CACNA1C: variants seen among roughly 807,000 people sequenced by gnomAD.
CACNA1C encodes calcium voltage-gated channel subunit alpha1 C.
In CACNA1C, 30 loss-of-function variants were observed where a neutral mutation model predicts 229.0. That is an observed-to-expected ratio of 0.13 (90% CI 0.10 to 0.18). The LOEUF (loss-of-function observed/expected upper bound fraction) is 0.18, where lower values mean the gene tolerates loss of function less well. Among genes scored for constraint, CACNA1C ranks in the 10% least tolerant of loss-of-function variants. The pLI is 1.00. For missense variants in CACNA1C, 1,658 were observed against 2,845.0 expected, an observed-to-expected ratio of 0.58 and a Z score of 9.49; for synonymous variants, 1,114 against 1,132.5, an observed-to-expected ratio of 0.98 and a Z score of 0.33.
chr12:2,677,599 C>A lies in CACNA1C; in HGVS notation c.4957-134C>A. ...GCCCCCAGTTCACACACACACAAAC[C>A]TTCCGGAGGGTCGACTGGCTGGGTG... On this transcript the variant is annotated intron_variant, in intron 40 of 46. Coordinates refer to ENST00000399655, the MANE Select transcript of CACNA1C (RefSeq NM_000719.7). The surrounding 1 kb of genome is among the most constrained non-coding windows in gnomAD (Gnocchi z 7.4). 1 of 1,026,668 alleles carries A rather than the reference C, an allele frequency of 9.7e-7. No individual in the cohort carries two copies. The highest frequency in any genetic ancestry group is 1.4e-6 in the Non-Finnish European group (1 of 690,608). 63.6% of individuals were successfully genotyped at this position (1,026,668 alleles called of 1,614,324 possible). A position where few individuals can be genotyped will look rare whatever the true frequency, so the allele number is the denominator to read the frequency against.
chr12:2,072,201 A>AT (rs58111283), intron 1 of CACNA1C, among the ~76,000 whole-genome samples: 7,029 of 150,876 alleles, frequency 0.047, 421 homozygotes, highest in East Asian at 0.2. Context: ...ATATACAAAA[A>AT]ATATATATAT....
intron 1 of CACNA1C, among the ~76,000 whole-genome samples, chr12:2,031,145 G>C (rs1395473052): frequency 1.3e-5 from 2 of 152,194 alleles, no homozygotes; most frequent in Non-Finnish European, 2.9e-5. Flanking sequence ...CCAGAGACTT[G>C]CTGCCTAAGT....
chr12:2,461,772 TG>T (rs1375892926), intron 5 of CACNA1C, among the ~76,000 whole-genome samples: 1 of 152,202 alleles, frequency 6.6e-6, no homozygotes, highest in Non-Finnish European at 1.5e-5. Flanking sequence ...GAAAATCCTA[TG>T]AGCTTTACCT....
intron 9 of CACNA1C, 95 bp downstream of exon 9, chr12:2,513,079 A>G (rs2154579712): frequency 9.8e-7 from 1 of 1,025,234 alleles, no homozygotes; most frequent in East Asian, 2.7e-5. Context: ...ACCCTTTCTT[A>G]GAAGCCCACG....
intron 3 of CACNA1C, among the ~76,000 whole-genome samples, chr12:2,421,122 C>T (rs1465715858): frequency 6.6e-6 from 1 of 152,124 alleles, no homozygotes; most frequent in Admixed American, 6.5e-5. Context: ...CTCATACTTC[C>T]AACCCAAACG....
intron 4 of CACNA1C, among the ~76,000 whole-genome samples, 196 bp from the exon 5 acceptor site, chr12:2,457,371 G>A (rs2099438931): frequency 6.6e-6 from 1 of 152,208 alleles, no homozygotes; most frequent in Admixed American, 6.5e-5. Context: ...GTGGCACCCT[G>A]GGCATGGCCA....
chr12:1,991,546 T>C (rs2039420044), intron 1 of CACNA1C: 1 of 247,778 alleles, frequency 4.0e-6, no homozygotes, highest in Non-Finnish European at 7.9e-6. Context: ...ATTGAGGTTT[T>C]TTCCTTTTTT....
rs571274628 is a variant in CACNA1C at position 2,618,080 on chromosome 12, G to T, written c.3828+6067G>T. Among the ~76,000 whole-genome samples, 3 of 152,294 alleles carry T rather than the reference G, an allele frequency of 2.0e-5. No individual in the cohort carries two copies. In the South Asian group the frequency reaches 6.2e-4, roughly 32 times the overall value. Reference sequence around the variant, plus strand: ...AGGGGACTTTGGAGGCTGAGGGTCCGGATTGCTCAGGTGTGGACCTGCTGT... The same window carrying T: ...AGGGGACTTTGGAGGCTGAGGGTCCTGATTGCTCAGGTGTGGACCTGCTGT... On this transcript the variant is annotated intron_variant, in intron 29 of 46. Coordinates refer to ENST00000399655, the MANE Select transcript of CACNA1C (RefSeq NM_000719.7).
intron 3 of CACNA1C, among the ~76,000 whole-genome samples, chr12:2,301,819 G>A (rs879559626): frequency 1.3e-5 from 2 of 152,160 alleles, no homozygotes; most frequent in South Asian, 2.1e-4. Context: ...CCCCAGCCTG[G>A]CCCTGCAGTG....
Position 2,486,006 on chromosome 12 carries a change from C to T in CACNA1C, c.758-98C>T. The T allele has an allele frequency of 1.1e-6, 1 of 946,074 alleles. No homozygotes were observed. Among genetic ancestry groups the T allele is most frequent in the East Asian group, 2.8e-5 (1 of 35,830 alleles). 58.6% of individuals were successfully genotyped at this position (946,074 alleles called of 1,614,324 possible). A position where few individuals can be genotyped will look rare whatever the true frequency, so the allele number is the denominator to read the frequency against. ...CTTCTCATCTAAACAACAGGGCTGG[C>T]AGTTCCTTCCTTGCAGAGTTGCTGG... On this transcript the variant is annotated intron_variant, in intron 5 of 46. Coordinates refer to ENST00000399655, the MANE Select transcript of CACNA1C (RefSeq NM_000719.7). This position sits in a 1 kb window ranked among gnomAD's most constrained non-coding sequence, Gnocchi z 4.9.
chr12:2,137,261 G>T (rs1228397857), intron 3 of CACNA1C, among the ~76,000 whole-genome samples: 1 of 151,286 alleles, frequency 6.6e-6, no homozygotes, highest in Non-Finnish European at 1.5e-5. Flanking sequence ...ACCTCTGCCT[G>T]GTGGCACGGC....
chr12:2,308,033 T>A (rs948615008), intron 3 of CACNA1C, among the ~76,000 whole-genome samples: 2 of 152,212 alleles, frequency 1.3e-5, no homozygotes, highest in African/African-American at 4.8e-5. Context: ...GTGGTTTTGA[T>A]GCAGTTCATC....
intron 42 of CACNA1C, chr12:2,680,500 GC>G: frequency 6.4e-7 from 1 of 1,570,766 alleles, no homozygotes; most frequent in Middle Eastern, 1.7e-4. Flanking sequence ...ATCGTGCCTG[GC>G]CACGCTTCAC....
intron 29 of CACNA1C, among the ~76,000 whole-genome samples, chr12:2,616,668 C>T (rs1242253096): frequency 6.6e-6 from 1 of 152,254 alleles, no homozygotes; most frequent in Admixed American, 6.5e-5. Context: ...GATTGGACTT[C>T]TGTCTAGACT....
At position 2,693,628 on chromosome 12, in the gene CACNA1C, G is replaced by A. The variant is rs1181127903; in HGVS notation, c.*2429G>A. On this transcript the variant is annotated 3_prime_UTR_variant, in exon 47 of 47. Transcript: ENST00000399655. ...TGCCGGGGAGGGGGCCAGGACAAGG[G>A]AAGAGGCATCCGGAGCTCACAGTGG... The A allele has an allele frequency of 6.6e-6, 1 of 152,314 alleles. No homozygotes were observed. The highest frequency in any genetic ancestry group is 1.9e-4 in the East Asian group (1 of 5,188). The allele number at this position is 152,314 out of a possible 1,614,324, so 9.4% of individuals were successfully genotyped here.
At chr12:2,672,550 T>C (rs866788541) in intron 38 of CACNA1C, among the ~76,000 whole-genome samples, 2 of 152,148 alleles carry the variant, frequency 1.3e-5, no homozygotes, top group African/African-American at 4.8e-5. Flanking sequence ...TTCTCCCAGA[T>C]TCTGAGGGCT....
rs140917375 is a variant in CACNA1C at position 2,563,607 on chromosome 12, C to T, written c.1509-2815C>T. Among the ~76,000 whole-genome samples, 441 of 152,366 alleles carry T rather than the reference C, an allele frequency of 2.9e-3. 3 individuals carry two copies. The highest frequency in any genetic ancestry group is 0.019 in the South Asian group (92 of 4,832). ...AGTACCCTTCTTTGATTACTCTTCA[C>T]TCTCCTAACCTCATCTTAGATTTAG... On this transcript the variant is annotated intron_variant, in intron 11 of 46. Coordinates refer to ENST00000399655, the MANE Select transcript of CACNA1C (RefSeq NM_000719.7).
Position 2,486,144 on chromosome 12 carries a change from C to G in CACNA1C, c.798C>G (p.Val266=). 2 of 1,611,954 alleles carry G rather than the reference C, an allele frequency of 1.2e-6. No individual in the cohort carries two copies. The highest frequency in any genetic ancestry group is 1.1e-5 in the South Asian group (1 of 90,624). Residue 266 remains valine, a synonymous_variant, in exon 6 of 47, where the codon GTC becomes GTG. Coordinates refer to ENST00000399655, the MANE Select transcript of CACNA1C (RefSeq NM_000719.7). This position sits in a 1 kb window ranked among gnomAD's most constrained non-coding sequence, Gnocchi z 4.9. ...VVLNSIIKAM[V]PLLHIALLVL... ...TGAATTCCATCATCAAGGCCATGGTCCCCCTGCTGCACATCGCCCTGCTTG... is the reference window on the plus strand; with the variant it reads ...TGAATTCCATCATCAAGGCCATGGTGCCCCTGCTGCACATCGCCCTGCTTG...
rs752536080 is a variant in CACNA1C at position 2,158,619 on chromosome 12, C to T, written c.477+38189C>T. The stretch of plus-strand genomic sequence containing the variant: ...CGCAGCCATGTGGGAAGCTAGAAGG[C>T]GAAGGAGAATTGCCCTCAAAGTTCT... On this transcript the variant is annotated intron_variant, in intron 3 of 46. Transcript: ENST00000399655. 9.9e-5 allele frequency among the ~76,000 whole-genome samples: 15 copies of T among 152,082 alleles called. No homozygotes were observed. The East Asian group carries it at 1.7e-3, about 18-fold the overall frequency.
Sources: gnomAD v4.1 joint callset for allele counts (sites outside exome capture counted in the v4.1 genomes callset) on GRCh38, gnomAD v4.1.1 for gene constraint, Gnocchi (gnomAD v3.1) non-coding constraint, MANE v1.5 for transcripts, NCBI Gene and HGNC (gene_info 2026-07-23, HGNC 2026-07-21) for gene names.